The following FAM120A variants were observed in gnomAD, a reference collection of about 807,000 sequenced individuals.
FAM120A encodes the protein constitutive coactivator of PPAR-gamma-like protein 1.
FAM120A carries 15 observed loss-of-function variants against 109.7 expected under a neutral mutation model. That is an observed-to-expected ratio of 0.14 (90% CI 0.09 to 0.21). The LOEUF (loss-of-function observed/expected upper bound fraction) is 0.21. Among genes scored for constraint, FAM120A ranks in the 10% least tolerant of loss-of-function variants. The probability of loss-of-function intolerance (pLI) is 1.00; values close to 1 mark genes in which losing one functional copy is unlikely to be tolerated. For synonymous variants in FAM120A, 493 were observed against 572.8 expected (o/e 0.86, Z 1.99); for missense variants, 899 against 1,439.3 (o/e 0.62, Z 6.07).
chr9:93,476,300 A>G lies in FAM120A; in HGVS notation c.766A>G (p.Ser256Gly), dbSNP rs765710828. 6.2e-7 allele frequency: 1 copy of G among 1,609,988 alleles called. No individual in the cohort carries two copies. The highest frequency in any genetic ancestry group is 2.2e-5 in the East Asian group (1 of 44,846). ...TGAAGATCTGGCTTCCTTTCACTGG[A>G]GTTTACTTGGTCCAGAACATCCACT... is the stretch of plus-strand genomic sequence containing the variant. ...PDEDLASFHW[S>G]LLGPEHPLAS... The change falls in exon 3 of 18, where the codon AGT (serine) becomes GGT (glycine). Residue 256 changes from serine to glycine, a missense_variant. Coordinates refer to ENST00000277165, the MANE Select transcript of FAM120A (RefSeq NM_014612.5).
In FAM120A at chr9:93,558,615, G is replaced by T; in HGVS notation, c.2703G>T (p.Thr901=). Residue 901 remains threonine, a synonymous_variant, in exon 15 of 18, where the codon ACG becomes ACT. Coordinates refer to ENST00000277165, the MANE Select transcript of FAM120A (RefSeq NM_014612.5). ...GCTTTGGAGGCCCCTATGGGGAAAC[G>T]GTAGCAACAGGCCCTTACCGTGCCT... is the stretch of plus-strand genomic sequence containing the variant. ...VCGFGGPYGE[T]VATGPYRAFR... is the part of the protein sequence containing the mutation. 1 of 1,614,198 alleles carries T rather than the reference G, an allele frequency of 6.2e-7. No homozygotes were observed. The highest frequency in any genetic ancestry group is 2.2e-5 in the East Asian group (1 of 44,882).
intron 10 of FAM120A, among the ~76,000 whole-genome samples, chr9:93,533,346 G>C (rs1039472323): frequency 6.6e-6 from 1 of 152,144 alleles, no homozygotes; most frequent in Non-Finnish European, 1.5e-5. Context: ...AATCTGTAAG[G>C]CTTTAAAGTG....
chr9:93,475,805 T>G (rs1030700290), intron 2 of FAM120A, among the ~76,000 whole-genome samples: 1 of 152,338 alleles, frequency 6.6e-6, no homozygotes, highest in East Asian at 1.9e-4. Flanking sequence ...TTAATCTTGC[T>G]AAGAAAGGTT....
intron 3 of FAM120A, among the ~76,000 whole-genome samples, chr9:93,477,355 A>G (rs1459074082): frequency 6.6e-6 from 1 of 151,564 alleles, no homozygotes; most frequent in Admixed American, 6.6e-5. Flanking sequence ...TTTCTTTTTC[A>G]TCTCTGGCAT....
chr9:93,502,599 C>CACACAT (rs1491181821), intron 5 of FAM120A, among the ~76,000 whole-genome samples: 1 of 151,102 alleles, frequency 6.6e-6, no homozygotes, highest in South Asian at 2.1e-4. Flanking sequence ...CACACACACA[C>CACACAT]GCACACTTGC....
chr9:93,562,345 C>A, intron 17 of FAM120A, 41 bp downstream of exon 17: 1 of 1,480,748 alleles, frequency 6.8e-7, no homozygotes, highest in Non-Finnish European at 9.4e-7. Context: ...TCAATGCCCT[C>A]AGGGATGTCT....
chr9:93,530,762 C>A (rs866017243), intron 9 of FAM120A: 48 of 152,256 alleles, frequency 3.2e-4, no homozygotes, highest in Middle Eastern at 3.4e-3. Context: ...GTGGGGAAAA[C>A]ATTTTGCTAA....
At chr9:93,539,218 C>G (rs942017916) in intron 10 of FAM120A, among the ~76,000 whole-genome samples, 1 of 152,156 alleles carries the variant, frequency 6.6e-6, no homozygotes, top group African/African-American at 2.4e-5. Context: ...AGGATGGTCT[C>G]GATCTCCTGA....
At chr9:93,542,248 A>G (rs1861728147) in intron 10 of FAM120A, among the ~76,000 whole-genome samples, 1 of 152,196 alleles carries the variant, frequency 6.6e-6, no homozygotes, top group Admixed American at 6.5e-5. Flanking sequence ...AAGGGACAAC[A>G]CCAGGCCCCG....
intron 1 of FAM120A, among the ~76,000 whole-genome samples, chr9:93,467,853 A>G (rs1288707402): frequency 6.6e-6 from 1 of 151,554 alleles, no homozygotes. Context: ...AAAGCCCCAC[A>G]TGCCACCTTT....
In FAM120A at chr9:93,499,223, A is replaced by G. The variant is rs546391459; in HGVS notation, c.1030+337A>G. 2.6e-5 allele frequency among the ~76,000 whole-genome samples: 4 copies of G among 151,902 alleles called. No homozygotes were observed. The East Asian group carries it at 5.8e-4, about 22-fold the overall frequency. On this transcript the variant is annotated intron_variant, in intron 5 of 17. Coordinates refer to ENST00000277165, the MANE Select transcript of FAM120A (RefSeq NM_014612.5). ...GACGTAGAAGGGCCTCCACAACTGCAAGTGATTTCATAAATGCAGTGTATT... is the reference window on the plus strand; with the variant it reads ...GACGTAGAAGGGCCTCCACAACTGCGAGTGATTTCATAAATGCAGTGTATT...
At chr9:93,538,371 T>C (rs1861591319) in intron 10 of FAM120A, among the ~76,000 whole-genome samples, 1 of 152,216 alleles carries the variant, frequency 6.6e-6, no homozygotes, top group Non-Finnish European at 1.5e-5. Context: ...GGGGCAGTTT[T>C]TCTATCAGAA....
intron 10 of FAM120A, among the ~76,000 whole-genome samples, chr9:93,541,503 A>G (rs984759797): frequency 6.6e-6 from 1 of 152,202 alleles, no homozygotes; most frequent in African/African-American, 2.4e-5. Flanking sequence ...TTGGTTTTAT[A>G]TCTATACCTA....
chr9:93,529,186 C>T (rs1434712512), intron 8 of FAM120A, among the ~76,000 whole-genome samples, 167 bp from the exon 9 acceptor site: 1 of 152,210 alleles, frequency 6.6e-6, no homozygotes, highest in Non-Finnish European at 1.5e-5. Flanking sequence ...GATCAGAGTG[C>T]TCTCTGTTTC....
chr9:93,464,542 A>C (rs529684509), intron 1 of FAM120A, among the ~76,000 whole-genome samples: 2 of 152,328 alleles, frequency 1.3e-5, no homozygotes, highest in Admixed American at 6.5e-5. Context: ...TGTATTGGAC[A>C]CTAGCCCCCT....
At position 93,557,389 on chromosome 9, in the gene FAM120A, C is replaced by G. The variant is rs574277829; in HGVS notation, c.2485-438C>G. The stretch of plus-strand genomic sequence containing the variant: ...AAGCAATCCACCCACCTTGGCCTCC[C>G]AAAGTGCTGGGATTACAGGCGTGAG... On this transcript the variant is annotated intron_variant, in intron 13 of 17. Coordinates refer to ENST00000277165, the MANE Select transcript of FAM120A (RefSeq NM_014612.5). Among the ~76,000 whole-genome samples, 5 of 152,288 alleles carry G rather than the reference C, an allele frequency of 3.3e-5. No homozygotes were observed. The South Asian group carries it at 1.0e-3, about 32-fold the overall frequency.
intron 17 of FAM120A, 24 bp downstream of exon 17, chr9:93,562,328 T>A (rs1356346148): frequency 1.3e-6 from 2 of 1,589,252 alleles, no homozygotes; most frequent in African/African-American, 1.3e-5. Context: ...ATGATGTTTG[T>A]GCCAGTTCAA....
At chr9:93,546,205 C>T (rs1222799443) in intron 11 of FAM120A, among the ~76,000 whole-genome samples, 1 of 152,166 alleles carries the variant, frequency 6.6e-6, no homozygotes, top group East Asian at 1.9e-4. Context: ...ACTTTGGATT[C>T]TGTGAGATCA....
intron 10 of FAM120A, among the ~76,000 whole-genome samples, chr9:93,539,326 AGTTG>A (rs1861620977): frequency 1.3e-5 from 2 of 152,172 alleles, no homozygotes; most frequent in African/African-American, 4.8e-5. Flanking sequence ...CAGTGTAAAA[AGTTG>A]GTTTAGTGTA....
Sources: gnomAD v4.1 joint callset for allele counts (sites outside exome capture counted in the v4.1 genomes callset) on GRCh38, gnomAD v4.1.1 for gene constraint, MANE v1.5 for transcripts, NCBI Gene and HGNC (gene_info 2026-07-23, HGNC 2026-07-21) for gene names.